The following GALNT13 variants were observed in gnomAD, a reference collection of about 807,000 sequenced individuals.
The protein encoded by GALNT13 is polypeptide N-acetylgalactosaminyltransferase 13.
GALNT13 carries 28 observed loss-of-function variants against 64.2 expected under a neutral mutation model. The ratio of observed to expected loss-of-function variants is 0.44; its 90% CI spans 0.32 to 0.60. The LOEUF is 0.60. GALNT13 is among the 20% of genes least tolerant of loss of function. The pLI is 0.05. For synonymous variants in GALNT13, 214 were observed against 224.6 expected (o/e 0.95, Z 0.42); for missense variants, 577 against 669.8 (o/e 0.86, Z 1.53).
chr2:153,354,104 T>C, the GALNT13 span: 1 of 152,196 alleles, frequency 6.6e-6, no homozygotes, highest in African/African-American at 2.4e-5. Context: ...AGAGTGTCTA[T>C]TGCTTTTTGT....
At chr2:153,489,256 T>C in the GALNT13 span, among the ~76,000 whole-genome samples, 32 of 152,306 alleles carry the variant, frequency 2.1e-4, no homozygotes, top group African/African-American at 7.0e-4. Flanking sequence ...AAACTGCACA[T>C]ATACTTCCTA....
intron 2 of GALNT13, among the ~76,000 whole-genome samples, chr2:153,918,833 C>A (rs1689567030): frequency 6.6e-6 from 1 of 152,026 alleles, no homozygotes; most frequent in East Asian, 1.9e-4. Context: ...ATTTCAAGTC[C>A]ATTATTAGCT....
chr2:154,387,403 T>C lies in GALNT13; in HGVS notation c.1157-8588T>C, dbSNP rs144642532. The stretch of plus-strand genomic sequence containing the variant: ...ACAGTATGGAATAAATAAATCAAGC[T>C]AATTAACATAGCCATAACCTTGCTT... On this transcript the variant is annotated intron_variant, in intron 9 of 12. Transcript: ENST00000392825. Among the ~76,000 whole-genome samples the C allele has an allele frequency of 4.0e-3, 606 of 152,242 alleles. 6 individuals carry two copies. Among genetic ancestry groups the C allele is most frequent in the African/African-American group, 0.014 (575 of 41,566 alleles).
At chr2:153,089,293 G>C in the GALNT13 span, among the ~76,000 whole-genome samples, 1 of 152,134 alleles carries the variant, frequency 6.6e-6, no homozygotes, top group Non-Finnish European at 1.5e-5. Context: ...AGAGGCTAAA[G>C]ATGGGACCCC....
In GALNT13 at chr2:154,214,420, AAAC is replaced by A. The variant is rs151117363; in HGVS notation, c.312-27605_312-27603del. Among the ~76,000 whole-genome samples, 1,163 of 152,244 alleles carry A rather than the reference AAAC, an allele frequency of 7.6e-3. 19 individuals carry two copies. The highest frequency in any genetic ancestry group is 0.026 in the African/African-American group (1,061 of 41,544). ...TCTCATTCTCATTCCCTTCTTATTT[AAAC>A]AACATCATTCCAGTTCATAATTAGG... On this transcript the variant is annotated intron_variant, in intron 4 of 12. Coordinates refer to ENST00000392825, the MANE Select transcript of GALNT13 (RefSeq NM_052917.4).
the GALNT13 span, among the ~76,000 whole-genome samples, chr2:153,574,874 CTTA>C: frequency 1.3e-5 from 2 of 151,906 alleles, no homozygotes; most frequent in Admixed American, 1.3e-4. Context: ...GCCCTGCTGG[CTTA>C]TTATTTTAGT....
chr2:153,530,373 A>G, the GALNT13 span, among the ~76,000 whole-genome samples: 4 of 152,086 alleles, frequency 2.6e-5, no homozygotes, highest in East Asian at 1.9e-4. Context: ...ATAGAAGAAA[A>G]TTTCAAAAAA....
the GALNT13 span, among the ~76,000 whole-genome samples, chr2:153,600,472 A>G: frequency 1.3e-5 from 2 of 152,004 alleles, no homozygotes; most frequent in Non-Finnish European, 2.9e-5. Context: ...TGTTTGGCTT[A>G]TATAACTCAA....
the GALNT13 span, among the ~76,000 whole-genome samples, chr2:153,321,648 G>A: frequency 6.6e-6 from 1 of 152,102 alleles, no homozygotes; most frequent in Non-Finnish European, 1.5e-5. Flanking sequence ...GGTTAAGAAA[G>A]AAAGAGATAA....
intron 3 of GALNT13, among the ~76,000 whole-genome samples, chr2:154,045,902 A>G (rs571933983): frequency 6.6e-6 from 1 of 152,152 alleles, no homozygotes; most frequent in Admixed American, 6.5e-5. Flanking sequence ...TATTGCCGTT[A>G]AAGTCTTTTT....
chr2:153,867,521 C>T (rs1685788157), upstream of GALNT13, among the ~76,000 whole-genome samples: 1 of 151,992 alleles, frequency 6.6e-6, no homozygotes, highest in African/African-American at 2.4e-5. Flanking sequence ...GCCCCAGGGA[C>T]CAGTTTTGTG....
At chr2:153,345,540 G>A in the GALNT13 span, among the ~76,000 whole-genome samples, 2 of 152,064 alleles carry the variant, frequency 1.3e-5, no homozygotes, top group Non-Finnish European at 2.9e-5. Context: ...AGATTCAGTA[G>A]GGGGCATACT....
At position 154,450,449 on chromosome 2, in the gene GALNT13, C is replaced by T. The variant is rs371789307; in HGVS notation, c.1569C>T (p.Leu523=). Reference sequence around the variant, plus strand: ...GACATGTTAACAGTAACCAATGTCTCGATGAACCTTCTGAAGAAGACAAAA... The same window carrying T: ...GACATGTTAACAGTAACCAATGTCTTGATGAACCTTCTGAAGAAGACAAAA... The part of the protein sequence containing the change: ...TLRHVNSNQC[L]DEPSEEDKMV... The change falls in exon 13 of 13, where the codon CTC becomes CTT. Residue 523 remains leucine (L), a synonymous_variant. Transcript: ENST00000392825. 17 of 1,612,460 alleles carry T rather than the reference C, an allele frequency of 1.1e-5. No homozygotes were observed. The highest frequency in any genetic ancestry group is 1.3e-5 in the African/African-American group (1 of 74,810).
At chr2:154,042,930 G>GT (rs1352474450) in intron 3 of GALNT13, among the ~76,000 whole-genome samples, 2 of 151,968 alleles carry the variant, frequency 1.3e-5, no homozygotes, top group Non-Finnish European at 2.9e-5. Context: ...GCAAACAATT[G>GT]TAAGTGCTAT....
At chr2:153,902,768 T>C (rs561292193) in intron 2 of GALNT13, among the ~76,000 whole-genome samples, 1 of 152,080 alleles carries the variant, frequency 6.6e-6, no homozygotes, top group Non-Finnish European at 1.5e-5. Flanking sequence ...TTGTTTTAAA[T>C]GTTAATGACT....
intron 10 of GALNT13, among the ~76,000 whole-genome samples, chr2:154,403,310 A>C (rs1699382856): frequency 6.6e-6 from 1 of 152,042 alleles, no homozygotes; most frequent in Non-Finnish European, 1.5e-5. Flanking sequence ...AAAATTAGGC[A>C]GTTGTGATGG....
the GALNT13 span, among the ~76,000 whole-genome samples, chr2:153,438,838 T>C: frequency 2.6e-5 from 4 of 152,182 alleles, no homozygotes; most frequent in South Asian, 2.1e-4. Context: ...TCTTTCTCCA[T>C]CCAGCTTTGT....
At chr2:153,567,829 A>G in the GALNT13 span, among the ~76,000 whole-genome samples, 4 of 152,382 alleles carry the variant, frequency 2.6e-5, no homozygotes, top group Non-Finnish European at 5.9e-5. Flanking sequence ...GGAATCAGGT[A>G]CTAATGTTAT....
the GALNT13 span, among the ~76,000 whole-genome samples, chr2:153,178,684 CTTGTACAGAAGCTTTTTAGTTTGAT>C: frequency 6.8e-6 from 1 of 146,974 alleles, no homozygotes; most frequent in African/African-American, 2.5e-5. Flanking sequence ...TGTTTCATTT[CTTGTACAGAAGCTTTTTAGTTTGAT>C]GCAATCCCAT....
Sources: gnomAD v4.1 joint callset for allele counts (sites outside exome capture counted in the v4.1 genomes callset) on GRCh38, gnomAD v4.1.1 for gene constraint, MANE v1.5 for transcripts, NCBI Gene and HGNC (gene_info 2026-07-23, HGNC 2026-07-21) for gene names.